Variants in GRM7 observed in about 807,000 individuals in gnomAD.
GRM7 encodes the protein metabotropic glutamate receptor 7.
A neutral mutation model predicts 84.5 loss-of-function variants in GRM7; 35 were observed. The observed-to-expected ratio is 0.41, with a 90% CI of 0.32 to 0.55. GRM7 has a LOEUF of 0.55. Among genes scored for constraint, GRM7 ranks in the 20% least tolerant of loss-of-function variants. GRM7 has a pLI of 0.19. For synonymous variants in GRM7, 487 were observed against 455.1 expected (o/e 1.07, Z -0.89); for missense variants, 1,003 against 1,194.6 (o/e 0.84, Z 2.36).
chr3:7,015,142 C>CA (rs908018384), intron 1 of GRM7, among the ~76,000 whole-genome samples: 2 of 152,046 alleles, frequency 1.3e-5, no homozygotes, highest in Non-Finnish European at 2.9e-5. Context: ...CCCACCCCCC[C>CA]ATAAGCCAGC....
At chr3:7,103,816 T>TTCTTTCTTTCTTTCTTTCTTTTTCTTTC (rs1553617438) in intron 1 of GRM7, among the ~76,000 whole-genome samples, 1 of 89,058 alleles carries the variant, frequency 1.1e-5, no homozygotes, top group Non-Finnish European at 2.3e-5. Context: ...CTTTCTTTCT[T>TTCTTTCTTTCTTTCTTTCTTTTTCTTTC]TCTCTCTCTC....
At chr3:6,937,163 A>G (rs1441219970) in intron 1 of GRM7, among the ~76,000 whole-genome samples, 1 of 152,246 alleles carries the variant, frequency 6.6e-6, no homozygotes, top group Non-Finnish European at 1.5e-5. Context: ...AACTGAAACA[A>G]GATTTGAGAA....
intron 2 of GRM7, among the ~76,000 whole-genome samples, chr3:7,170,778 T>C (rs1305341291): frequency 6.6e-6 from 1 of 152,106 alleles, no homozygotes; most frequent in African/African-American, 2.4e-5. Flanking sequence ...GGAGAAGATA[T>C]GGGAAAAAGA....
At chr3:7,308,003 G>A (rs768339282) in intron 4 of GRM7, among the ~76,000 whole-genome samples, 1 of 152,154 alleles carries the variant, frequency 6.6e-6, no homozygotes. Context: ...GGTTGGGGAA[G>A]ATATCGTTGG....
chr3:7,496,677 G>A (rs545349218), intron 7 of GRM7, among the ~76,000 whole-genome samples: 53 of 152,122 alleles, frequency 3.5e-4, no homozygotes, highest in Admixed American at 2.6e-3. Flanking sequence ...ACTTTACTGT[G>A]GTTATATAAT....
intron 1 of GRM7, among the ~76,000 whole-genome samples, chr3:7,075,614 C>T (rs1698044719): frequency 6.6e-6 from 1 of 151,820 alleles, no homozygotes. Context: ...CAGCCTCCGG[C>T]TCCTGGGTTC....
chr3:7,670,912 T>G (rs566593398), intron 8 of GRM7, among the ~76,000 whole-genome samples: 21 of 152,350 alleles, frequency 1.4e-4, no homozygotes, highest in Admixed American at 2.6e-4. Context: ...CCATGGATTC[T>G]GGCAGGAGTC....
chr3:7,598,447 C>A lies in GRM7; in HGVS notation c.2451+19090C>A, dbSNP rs150480732. On this transcript the variant is annotated intron_variant, in intron 8 of 9. Transcript: ENST00000357716. ...GCAGACTCAGCTTTCATATCTAACCCATTTATCCAGCATTCTCCCCAGCAA... is the reference window on the plus strand; with the variant it reads ...GCAGACTCAGCTTTCATATCTAACCAATTTATCCAGCATTCTCCCCAGCAA... 2.0e-4 allele frequency among the ~76,000 whole-genome samples: 30 copies of A among 152,266 alleles called. No individual in the cohort carries two copies. The East Asian group carries it at 2.5e-3, about 13-fold the overall frequency.
intron 4 of GRM7, among the ~76,000 whole-genome samples, chr3:7,407,215 G>A (rs1695718530): frequency 6.6e-6 from 1 of 152,158 alleles, no homozygotes; most frequent in African/African-American, 2.4e-5. Flanking sequence ...AGCCTCCACT[G>A]TGCGCTTATT....
chr3:6,971,625 T>G (rs1204251887), intron 1 of GRM7, among the ~76,000 whole-genome samples: 1 of 152,240 alleles, frequency 6.6e-6, no homozygotes, highest in Non-Finnish European at 1.5e-5. Flanking sequence ...AATGGTTGAC[T>G]TTGACACCCT....
chr3:7,064,479 T>TATATATATATATATATATACACACACAC, intron 1 of GRM7, among the ~76,000 whole-genome samples: 34 of 99,378 alleles, frequency 3.4e-4, no homozygotes, highest in Non-Finnish European at 6.1e-4. Flanking sequence ...TATATATATA[T>TATATATATATATATATATACACACACAC]ACACACATAT....
intron 8 of GRM7, among the ~76,000 whole-genome samples, chr3:7,614,961 G>C (rs1222205644): frequency 2.6e-5 from 4 of 152,076 alleles, no homozygotes; most frequent in Admixed American, 2.6e-4. Flanking sequence ...TCTGACTTCA[G>C]TTTTTATTCT....
chr3:7,616,904 G>C (rs1450685633), intron 8 of GRM7, among the ~76,000 whole-genome samples: 1 of 152,090 alleles, frequency 6.6e-6, no homozygotes, highest in African/African-American at 2.4e-5. Flanking sequence ...TTAATACGTA[G>C]ATTCAATGTA....
chr3:7,643,262 C>T lies in GRM7; in HGVS notation c.2452-36787C>T, dbSNP rs181466324. Reference sequence around the variant, plus strand: ...TGCATGATCTTAAGCATATTTCTTACGCTTTCTGAGAACTGGTTGCAACTT... The same window carrying T: ...TGCATGATCTTAAGCATATTTCTTATGCTTTCTGAGAACTGGTTGCAACTT... On this transcript the variant is annotated intron_variant, in intron 8 of 9. Transcript: ENST00000357716. Among the ~76,000 whole-genome samples, 20 of 140,522 alleles carry T rather than the reference C, an allele frequency of 1.4e-4. No individual in the cohort carries two copies. The South Asian group carries it at 1.8e-3, about 13-fold the overall frequency. 92.2% of individuals were successfully genotyped at this position (140,522 alleles called of 152,430 possible). A position where few individuals can be genotyped will look rare whatever the true frequency, so the allele number is the denominator to read the frequency against.
intron 2 of GRM7, among the ~76,000 whole-genome samples, chr3:7,158,486 G>A (rs931822594): frequency 1.3e-5 from 2 of 151,888 alleles, no homozygotes; most frequent in African/African-American, 2.4e-5. Flanking sequence ...GTATGTCCCC[G>A]TCTCCCCACC....
At chr3:7,721,835 G>C (rs1005993391) in intron 9 of GRM7, among the ~76,000 whole-genome samples, 1 of 152,184 alleles carries the variant, frequency 6.6e-6, no homozygotes, top group African/African-American at 2.4e-5. Context: ...ATAAGAAACT[G>C]TCATTTTTGG....
intron 7 of GRM7, among the ~76,000 whole-genome samples, chr3:7,540,120 A>T (rs1360677393): frequency 2.6e-5 from 4 of 152,230 alleles, no homozygotes; most frequent in Non-Finnish European, 5.9e-5. Flanking sequence ...TAATTCACAT[A>T]TGTCACTGTG....
At chr3:7,639,980 T>C (rs1184568312) in intron 8 of GRM7, among the ~76,000 whole-genome samples, 2 of 152,228 alleles carry the variant, frequency 1.3e-5, no homozygotes, top group Non-Finnish European at 2.9e-5. Context: ...TGTATAATTA[T>C]ACTCAATTTA....
intron 4 of GRM7, among the ~76,000 whole-genome samples, chr3:7,313,357 G>A (rs1700474379): frequency 6.6e-6 from 1 of 152,106 alleles, no homozygotes; most frequent in African/African-American, 2.4e-5. Context: ...AAAAAGCCTA[G>A]GCCCATGATG....
Sources: allele counts gnomAD v4.1 joint callset (sites outside exome capture counted in the v4.1 genomes callset), GRCh38; gene constraint gnomAD v4.1.1; transcripts MANE v1.5; gene names NCBI Gene and HGNC (gene_info 2026-07-23, HGNC 2026-07-21).